The following LRRFIP1 variants were observed in gnomAD, a reference collection of about 807,000 sequenced individuals.
LRRFIP1 encodes the protein LRR binding FLII interacting protein 1.
In LRRFIP1, 62 loss-of-function variants were observed where a neutral mutation model predicts 104.4. The ratio of observed to expected loss-of-function variants is 0.59; its 90% CI spans 0.48 to 0.73. LRRFIP1 has a LOEUF of 0.73. LRRFIP1 is among the 30% of genes least tolerant of loss of function. The pLI is 0.00. For missense variants in LRRFIP1, 796 were observed against 824.5 expected, an observed-to-expected ratio of 0.97 and a Z score of 0.42; for synonymous variants, 300 against 299.0, an observed-to-expected ratio of 1.00 and a Z score of -0.03.
At chr2:237,747,643 CAT>C (rs1318152067) in intron 11 of LRRFIP1, among the ~76,000 whole-genome samples, 1 of 152,222 alleles carries the variant, frequency 6.6e-6, no homozygotes, top group Non-Finnish European at 1.5e-5. Context: ...CTGAATCAAA[CAT>C]ATGGTCTGCA....
At chr2:237,671,687 G>A (rs539060089) in intron 1 of LRRFIP1, among the ~76,000 whole-genome samples, 183 of 151,962 alleles carry the variant, frequency 1.2e-3, no homozygotes, top group African/African-American at 4.3e-3. Context: ...GTCCCTTCAG[G>A]AGAAGCTGGC....
rs1444981948 is a variant in LRRFIP1, at chr2:237,751,206, A to T, written c.802A>T (p.Asn268Tyr). Reference protein sequence around the residue: ...EASIREIKELNELKDQIQDVE... With the variant: ...EASIREIKELYELKDQIQDVE... The stretch of plus-strand genomic sequence containing the variant: ...TTTTTGCCATTTCCCCCAGGAACTC[A>T]ATGAGTTAAAGGACCAGATTCAGGA... The change falls in exon 14 of 24, where the codon AAT becomes TAT. Residue 268 changes from asparagine to tyrosine, a missense_variant. Physicochemically the swap from Asn to Tyr is moderately radical, Grantham distance 143. Coordinates refer to ENST00000308482, the MANE Select transcript of LRRFIP1 (RefSeq NM_001137550.2). The T allele has an allele frequency of 6.2e-7, 1 of 1,607,036 alleles. No homozygotes were observed. The highest frequency in any genetic ancestry group is 8.5e-7 in the Non-Finnish European group (1 of 1,177,108).
chr2:237,641,094 A>G (rs760373211), intron 1 of LRRFIP1, among the ~76,000 whole-genome samples: 1 of 152,150 alleles, frequency 6.6e-6, no homozygotes, highest in African/African-American at 2.4e-5. Flanking sequence ...GGTTTCATCA[A>G]TAATATTCTT....
chr2:237,722,941 G>C (rs1478403662), intron 6 of LRRFIP1, among the ~76,000 whole-genome samples: 1 of 152,100 alleles, frequency 6.6e-6, no homozygotes, highest in Non-Finnish European at 1.5e-5. Flanking sequence ...TTTCTATGCG[G>C]GGCCAGTTTC....
At position 237,733,792 on chromosome 2, in the gene LRRFIP1, G is replaced by A. The variant is rs373151412; in HGVS notation, c.463G>A (p.Ala155Thr). 1.1e-4 allele frequency: 184 copies of A among 1,613,836 alleles called. No homozygotes were observed. The highest frequency in any genetic ancestry group is 1.5e-4 in the Admixed American group (9 of 60,000). ...RSGRPSCLYS[A>T]ARPSGSYRAS... is the part of the protein sequence containing the mutation. The stretch of plus-strand genomic sequence containing the variant: ...CCTCCAGCCCTCCTGTCTGTACAGC[G>A]CTGCCCGGCCTTCGGGGAGTTACCG... The change falls in exon 9 of 24, where the codon GCT (alanine) becomes ACT (threonine). Residue 155 changes from alanine (A) to threonine (T), a missense_variant. Physicochemically the swap from Ala to Thr is moderately conservative, Grantham distance 58. Transcript: ENST00000308482.
intron 10 of LRRFIP1, among the ~76,000 whole-genome samples, chr2:237,737,946 A>G (rs2095302881): frequency 6.6e-6 from 1 of 152,232 alleles, no homozygotes; most frequent in Non-Finnish European, 1.5e-5. Flanking sequence ...AGCCCTGTAC[A>G]TTTAATGCTT....
At chr2:237,687,088 G>T (rs535573461) in intron 1 of LRRFIP1, among the ~76,000 whole-genome samples, 1 of 152,238 alleles carries the variant, frequency 6.6e-6, no homozygotes, top group African/African-American at 2.4e-5. Flanking sequence ...GTCAGGCGGC[G>T]TGCCGCTGGT....
At chr2:237,660,550 A>C (rs1368051203) in intron 1 of LRRFIP1, among the ~76,000 whole-genome samples, 1 of 152,222 alleles carries the variant, frequency 6.6e-6, no homozygotes, top group Non-Finnish European at 1.5e-5. Flanking sequence ...TTCAAAAGGC[A>C]CATGCTGTTT....
At chr2:237,647,375 G>A (rs2085095807) in intron 1 of LRRFIP1, among the ~76,000 whole-genome samples, 1 of 152,028 alleles carries the variant, frequency 6.6e-6, no homozygotes, top group African/African-American at 2.4e-5. Context: ...CTGCCCAGAA[G>A]TGGCACAGAT....
At chr2:237,694,497 C>T (rs1277595641) in intron 1 of LRRFIP1, among the ~76,000 whole-genome samples, 1 of 152,132 alleles carries the variant, frequency 6.6e-6, no homozygotes, top group Non-Finnish European at 1.5e-5. Context: ...CGTCACCCAG[C>T]GGCTGCCCTG....
chr2:237,717,846 T>A lies in LRRFIP1; in HGVS notation c.249+37T>A. ...ATATAATTTTGTTTTTACTCTTCCC[T>A]CCCCACTTGAATACAGTGTTGAGAC... On this transcript the variant is annotated intron_variant, in intron 4 of 23. Transcript: ENST00000308482. The surrounding 1 kb of genome is among the most constrained non-coding windows in gnomAD (Gnocchi z 4.2). 1.3e-6 allele frequency: 2 copies of A among 1,491,586 alleles called. No homozygotes were observed. Among genetic ancestry groups the A allele is most frequent in the Non-Finnish European group, 1.9e-6 (2 of 1,068,410 alleles). The allele number at this position is 1,491,586 out of a possible 1,614,324, so 92.4% of individuals were successfully genotyped here. A position where few individuals can be genotyped will look rare whatever the true frequency, so the allele number is the denominator to read the frequency against.
chr2:237,692,102 A>T, intron 1 of LRRFIP1: 1 of 541,220 alleles, frequency 1.8e-6, no homozygotes, highest in South Asian at 9.1e-5. Flanking sequence ...TGGGGCGGGG[A>T]CGGGGCGGGG....
intron 1 of LRRFIP1, among the ~76,000 whole-genome samples, chr2:237,667,436 T>A (rs940944961): frequency 1.3e-5 from 2 of 152,256 alleles, no homozygotes; most frequent in Non-Finnish European, 2.9e-5. Flanking sequence ...TGTGCCACAT[T>A]TTCTTTATCC....
chr2:237,674,437 C>T (rs944382789), intron 1 of LRRFIP1, among the ~76,000 whole-genome samples: 38 of 152,168 alleles, frequency 2.5e-4, no homozygotes, highest in African/African-American at 9.2e-4. Flanking sequence ...GAGTGGCCAT[C>T]AGTGTTAGTT....
rs376158355 is a variant in LRRFIP1 at position 237,749,398 on chromosome 2, AAGTT to A, written c.795+76_795+79del. The stretch of plus-strand genomic sequence containing the variant: ...ATCAGTCTTTAGATTAAAAAAAAAA[AAGTT>A]AATTCATAAAGTTCTGGATCTTTCT... On this transcript the variant is annotated intron_variant, in intron 13 of 23. Transcript: ENST00000308482. 3.6e-4 allele frequency: 549 copies of A among 1,514,834 alleles called. No individual in the cohort carries two copies. The African/African-American group carries it at 6.0e-3, about 17-fold the overall frequency. 93.8% of individuals were successfully genotyped at this position (1,514,834 alleles called of 1,614,324 possible).
chr2:237,772,775 A>G, intron 21 of LRRFIP1, 91 bp from the exon 22 acceptor site: 8 of 877,014 alleles, frequency 9.1e-6, no homozygotes, highest in Non-Finnish European at 1.3e-5. Context: ...TGAGATGATT[A>G]CAAAGTAAGG....
At chr2:237,763,920 A>C in intron 19 of LRRFIP1, 1 of 1,614,264 alleles carries the variant, frequency 6.2e-7, no homozygotes, top group Non-Finnish European at 8.5e-7. Context: ...AGTCCCTCAC[A>C]GGACATTAGT....
intron 7 of LRRFIP1, among the ~76,000 whole-genome samples, chr2:237,724,998 G>A (rs1445250738): frequency 2.6e-5 from 4 of 152,144 alleles, no homozygotes; most frequent in Non-Finnish European, 5.9e-5. Context: ...GGACTTTTGC[G>A]TGGTCCCATG....
At chr2:237,673,003 A>G (rs761778552) in intron 1 of LRRFIP1, among the ~76,000 whole-genome samples, 1 of 152,232 alleles carries the variant, frequency 6.6e-6, no homozygotes, top group Non-Finnish European at 1.5e-5. Flanking sequence ...CCGTCGTTTT[A>G]GGCGAAGAAC....
Sources: allele counts gnomAD v4.1 joint callset (sites outside exome capture counted in the v4.1 genomes callset), GRCh38; gene constraint gnomAD v4.1.1; non-coding constraint Gnocchi (gnomAD v3.1); transcripts MANE v1.5; gene names NCBI Gene and HGNC (gene_info 2026-07-23, HGNC 2026-07-21).